PLXNA4: variants seen among roughly 807,000 people sequenced by gnomAD.
PLXNA4 encodes the protein plexin A4.
PLXNA4 carries 44 observed loss-of-function variants against 191.8 expected under a neutral mutation model. That is an observed-to-expected ratio of 0.23 (90% confidence interval 0.18 to 0.29). The LOEUF (loss-of-function observed/expected upper bound fraction) is 0.29. Among genes scored for constraint, PLXNA4 ranks in the 10% least tolerant of loss-of-function variants. The pLI is 1.00. For missense variants in PLXNA4, 1,800 were observed against 2,488.8 expected (o/e 0.72, Z 5.89); for synonymous variants, 1,082 against 1,009.5 (o/e 1.07, Z -1.36).
At chr7:132,241,442 T>C (rs890224620) in intron 4 of PLXNA4, among the ~76,000 whole-genome samples, 1 of 152,160 alleles carries the variant, frequency 6.6e-6, no homozygotes, top group Non-Finnish European at 1.5e-5. Context: ...GAAAAGATAT[T>C]TACACAGTGT....
intron 22 of PLXNA4, among the ~76,000 whole-genome samples, chr7:132,166,608 AAAG>A (rs1368949489): frequency 2.6e-5 from 4 of 151,916 alleles, no homozygotes; most frequent in Admixed American, 6.5e-5. Context: ...TGGTAAGAGA[AAAG>A]AAGAAGGAAC....
At chr7:132,617,401 G>A (rs1198550333) in intron 2 of PLXNA4, among the ~76,000 whole-genome samples, 4 of 152,200 alleles carry the variant, frequency 2.6e-5, no homozygotes, top group Admixed American at 6.5e-5. Context: ...TTATCCCAGG[G>A]CCATCCCTGA....
chr7:132,212,586 A>G (rs1050104857), intron 9 of PLXNA4, among the ~76,000 whole-genome samples: 1 of 152,222 alleles, frequency 6.6e-6, no homozygotes, highest in East Asian at 1.9e-4. Flanking sequence ...ATCTTAACTC[A>G]TCATGATTCC....
At chr7:132,328,310 A>G (rs1413192916) in intron 3 of PLXNA4, among the ~76,000 whole-genome samples, 1 of 152,108 alleles carries the variant, frequency 6.6e-6, no homozygotes, top group African/African-American at 2.4e-5. Context: ...CCACCTTCTC[A>G]GCTGCATTTC....
At chr7:132,628,632 A>T in intron 2 of PLXNA4, among the ~76,000 whole-genome samples, 2 of 145,280 alleles carry the variant, frequency 1.4e-5, no homozygotes, top group Non-Finnish European at 3.0e-5. Flanking sequence ...GATTTTCTTT[A>T]TTTTTCTCTT....
chr7:132,166,092 G>C (rs1796115028), intron 22 of PLXNA4, among the ~76,000 whole-genome samples: 1 of 152,040 alleles, frequency 6.6e-6, no homozygotes, highest in South Asian at 2.1e-4. Context: ...AGCTACTTGG[G>C]AGGCTGAGGC....
chr7:132,631,707 G>A (rs1250023444), intron 2 of PLXNA4, among the ~76,000 whole-genome samples: 1 of 152,048 alleles, frequency 6.6e-6, no homozygotes, highest in Non-Finnish European at 1.5e-5. Context: ...CCAACCCCAT[G>A]GTCTCATCTG....
intron 4 of PLXNA4, among the ~76,000 whole-genome samples, chr7:132,257,381 A>T (rs1034513796): frequency 2.6e-5 from 4 of 152,158 alleles, no homozygotes; most frequent in African/African-American, 7.2e-5. Flanking sequence ...CACATCTCCA[A>T]ATAAGGCTCT....
At chr7:132,457,315 A>G (rs1196550923) in intron 3 of PLXNA4, among the ~76,000 whole-genome samples, 1 of 152,198 alleles carries the variant, frequency 6.6e-6, no homozygotes, top group African/African-American at 2.4e-5. Context: ...TTTTCTTCCT[A>G]TCCATTTCAG....
At chr7:132,161,505 G>A (rs1795947651) in intron 24 of PLXNA4, among the ~76,000 whole-genome samples, 1 of 152,232 alleles carries the variant, frequency 6.6e-6, no homozygotes, top group South Asian at 2.1e-4. Context: ...GTGAATAGAA[G>A]CACTTGGGGG....
chr7:132,604,668 T>C (rs1411461920), intron 2 of PLXNA4, among the ~76,000 whole-genome samples: 1 of 147,136 alleles, frequency 6.8e-6, no homozygotes, highest in Non-Finnish European at 1.5e-5. Flanking sequence ...CTTGATATAA[T>C]TACTTACTGG....
chr7:132,520,477 C>A (rs1416687874), intron 1 of PLXNA4, among the ~76,000 whole-genome samples: 2 of 152,184 alleles, frequency 1.3e-5, no homozygotes, highest in Non-Finnish European at 2.9e-5. Context: ...CCCCACCCAC[C>A]CAAGGGCTTA....
intron 3 of PLXNA4, among the ~76,000 whole-genome samples, chr7:132,468,531 C>T (rs1302208287): frequency 6.6e-6 from 1 of 152,136 alleles, no homozygotes; most frequent in Non-Finnish European, 1.5e-5. Context: ...AACAGGCAGT[C>T]GAAGGGGCAG....
intron 25 of PLXNA4, among the ~76,000 whole-genome samples, chr7:132,149,350 G>C (rs1795527328): frequency 6.6e-6 from 1 of 152,120 alleles, no homozygotes; most frequent in African/African-American, 2.4e-5. Context: ...CAATACATGG[G>C]CTTACTGATG....
chr7:132,362,215 C>T (rs1230207277), intron 3 of PLXNA4, among the ~76,000 whole-genome samples: 1 of 152,226 alleles, frequency 6.6e-6, no homozygotes, highest in Non-Finnish European at 1.5e-5. Context: ...CCAGTTCATA[C>T]TTCCGTCTTC....
At chr7:132,332,753 A>G (rs145138553) in intron 3 of PLXNA4, among the ~76,000 whole-genome samples, 1 of 151,860 alleles carries the variant, frequency 6.6e-6, no homozygotes, top group East Asian at 1.9e-4. Flanking sequence ...CCAGCTACTC[A>G]GGAGGCTGCA....
chr7:132,479,660 A>AT (rs1282586086), intron 3 of PLXNA4, among the ~76,000 whole-genome samples: 2 of 151,880 alleles, frequency 1.3e-5, no homozygotes, highest in African/African-American at 4.8e-5. Context: ...TTTATTAACC[A>AT]TTTTTTTGGG....
intron 2 of PLXNA4, among the ~76,000 whole-genome samples, chr7:132,496,379 AAAAAC>A (rs890025852): frequency 6.6e-6 from 1 of 152,156 alleles, no homozygotes; most frequent in Non-Finnish European, 1.5e-5. Context: ...TGGTGACAGA[AAAAAC>A]AAAACAAAAC....
At chr7:132,562,988 C>CCTCCTT (rs1801348928) in intron 1 of PLXNA4, among the ~76,000 whole-genome samples, 1 of 67,396 alleles carries the variant, frequency 1.5e-5, no homozygotes, top group African/African-American at 9.2e-5. Context: ...TCCTCCTTCT[C>CCTCCTT]CTCCTCCTCC....
Sources: allele counts gnomAD v4.1 joint callset (sites outside exome capture counted in the v4.1 genomes callset), GRCh38; gene constraint gnomAD v4.1.1; transcripts MANE v1.5; gene names NCBI Gene and HGNC (gene_info 2026-07-23, HGNC 2026-07-21).